Variants in PHF14 observed in about 807,000 individuals in gnomAD.
PHF14 encodes the protein PHD finger protein 14.
PHF14 carries 55 observed loss-of-function variants against 117.9 expected under a neutral mutation model. That is an observed-to-expected ratio of 0.47 (90% CI 0.38 to 0.58). The LOEUF (loss-of-function observed/expected upper bound fraction) is 0.58. Among genes scored for constraint, PHF14 ranks in the 20% least tolerant of loss-of-function variants. The pLI is 0.00. For missense variants in PHF14, 978 were observed against 1,122.2 expected (o/e 0.87, Z 1.84); for synonymous variants, 409 against 368.6 (o/e 1.11, Z -1.26).
chr7:11,014,572 C>A (rs2128316419), intron 5 of PHF14, among the ~76,000 whole-genome samples: 1 of 152,238 alleles, frequency 6.6e-6, no homozygotes, highest in East Asian at 1.9e-4. Flanking sequence ...TGTGAGGTCA[C>A]TGAGGGACTG....
chr7:11,107,571 C>T, intron 16 of PHF14: 3 of 847,420 alleles, frequency 3.5e-6, no homozygotes, highest in South Asian at 1.1e-4. Flanking sequence ...CTTCTTTAAG[C>T]ATCCAGTTTT....
intron 8 of PHF14, among the ~76,000 whole-genome samples, 172 bp from the exon 9 acceptor site, chr7:11,036,246 A>C (rs116867228): frequency 0.02 from 3,017 of 152,316 alleles, 39 homozygotes; most frequent in Middle Eastern, 0.044. Context: ...AGTTTATTGT[A>C]ACTCAAAAAT....
At position 10,982,604 on chromosome 7, in the gene PHF14, GGAGAAAGAGAAGGAAAAAGAAAAGGAAAA is replaced by G. The variant is rs755118765; in HGVS notation, c.347_375del (p.Glu116GlyfsTer17). ...ATGGAGAAAGACCTAGAAAGAAAAAGGAGAAAGAGAAGGAAAAAGAAAAGGAAAAGGAGAAAGAGAAGGAAAGAGAGAAG... is the reference window on the plus strand; with the variant it reads ...ATGGAGAAAGACCTAGAAAGAAAAAGGGAGAAAGAGAAGGAAAGAGAGAAG... On this transcript the variant is annotated frameshift_variant, in exon 3 of 18. Transcript: ENST00000634607. LOFTEE classifies it high-confidence loss of function. 4 of 1,513,446 alleles carry G rather than the reference GGAGAAAGAGAAGGAAAAAGAAAAGGAAAA, an allele frequency of 2.6e-6. No homozygotes were observed. The African/African-American group carries it at 4.2e-5, about 16-fold the overall frequency. 93.8% of individuals were successfully genotyped at this position (1,513,446 alleles called of 1,614,324 possible). A position where few individuals can be genotyped will look rare whatever the true frequency, so the allele number is the denominator to read the frequency against.
intron 17 of PHF14, among the ~76,000 whole-genome samples, chr7:11,122,783 C>G (rs555510317): frequency 1.6e-4 from 25 of 152,200 alleles, no homozygotes; most frequent in African/African-American, 5.8e-4. Flanking sequence ...ATAGTTCCAG[C>G]TTAGTCCAGT....
chr7:11,057,903 A>G (rs533505626), intron 14 of PHF14, among the ~76,000 whole-genome samples: 1 of 152,342 alleles, frequency 6.6e-6, no homozygotes, highest in Middle Eastern at 3.4e-3. Flanking sequence ...AAAAATTGGA[A>G]TGTGTCAAGA....
At chr7:11,105,151 TAG>T (rs1787216681) in intron 16 of PHF14, 1 of 975,268 alleles carries the variant, frequency 1.0e-6, no homozygotes, top group African/African-American at 1.8e-5. Flanking sequence ...GACTTGAAAT[TAG>T]GGTTATGTTT....
rs1404104650 is a variant in PHF14 at position 11,111,360 on chromosome 7, T to C, written c.2665T>C (p.Cys889Arg). 6.3e-7 allele frequency: 1 copy of C among 1,585,024 alleles called. No homozygotes were observed. ...CTGTTTACCCTGCAGGTGTGATGAA[T>C]GCAGACTCTGCTACCATTTTGGCTG... ...DNENLVRCDECRLCYHFGCLD... is the reference protein window; with the variant it reads ...DNENLVRCDERRLCYHFGCLD... The change falls in exon 17 of 18, where the codon TGC (cysteine) becomes CGC (arginine). Residue 889 changes from cysteine to arginine, a missense_variant. This residue lies in a region of PHF14 where 180 missense variants were observed against 195.4 expected (regional missense o/e 0.92). Transcript: ENST00000634607.
intron 17 of PHF14, among the ~76,000 whole-genome samples, chr7:11,157,389 C>CA (rs10693452): frequency 0.53 from 78,015 of 146,676 alleles, 21,471 homozygotes; most frequent in East Asian, 0.81. Context: ...AATGGGTTAC[C>CA]AAAAAAAAAA....
At chr7:11,008,088 A>G (rs1410790126) in intron 4 of PHF14, among the ~76,000 whole-genome samples, 2 of 152,166 alleles carry the variant, frequency 1.3e-5, no homozygotes, top group East Asian at 3.9e-4. Flanking sequence ...TGTCAGGTAT[A>G]TGTTAGTACT....
At chr7:10,993,295 T>G (rs1782525280) in intron 4 of PHF14, among the ~76,000 whole-genome samples, 1 of 152,156 alleles carries the variant, frequency 6.6e-6, no homozygotes, top group Non-Finnish European at 1.5e-5. Flanking sequence ...TCTTACCTGC[T>G]TTTCTGGTAT....
At chr7:11,037,790 A>G (rs895343337) in intron 10 of PHF14, among the ~76,000 whole-genome samples, 9 of 152,156 alleles carry the variant, frequency 5.9e-5, no homozygotes, top group South Asian at 2.1e-4. Flanking sequence ...CGTTTCCAAT[A>G]ATCAGCTACA....
chr7:11,103,079 A>C (rs1787143965), intron 16 of PHF14: 3 of 974,690 alleles, frequency 3.1e-6, no homozygotes, highest in Non-Finnish European at 3.7e-6. Context: ...TTGTAAAACA[A>C]CTATAGACTC....
intron 16 of PHF14, chr7:11,108,296 T>G (rs973058610): frequency 2.6e-5 from 4 of 151,732 alleles, no homozygotes; most frequent in Admixed American, 2.0e-4. Context: ...ATCTTATATT[T>G]GTATATTTGT....
intron 17 of PHF14, among the ~76,000 whole-genome samples, chr7:11,153,837 C>T (rs1788768520): frequency 6.6e-6 from 1 of 152,092 alleles, no homozygotes; most frequent in Non-Finnish European, 1.5e-5. Context: ...TGACTTTCAA[C>T]CTTAGACTTA....
intron 4 of PHF14, among the ~76,000 whole-genome samples, chr7:10,994,035 G>A (rs925273276): frequency 1.6e-4 from 24 of 151,500 alleles, no homozygotes; most frequent in African/African-American, 5.8e-4. Flanking sequence ...AAGTTGTTAA[G>A]GGAAATCCAC....
chr7:11,151,328 G>T (rs991270105), intron 17 of PHF14, among the ~76,000 whole-genome samples: 2 of 152,094 alleles, frequency 1.3e-5, no homozygotes, highest in African/African-American at 2.4e-5. Context: ...AGCTGAAGTG[G>T]GAGGGTCGCT....
At chr7:11,066,519 T>C (rs1172603779) in intron 16 of PHF14, among the ~76,000 whole-genome samples, 1 of 152,234 alleles carries the variant, frequency 6.6e-6, no homozygotes, top group African/African-American at 2.4e-5. Flanking sequence ...ACAAAAACTT[T>C]CTTCTTTGTT....
intron 17 of PHF14, among the ~76,000 whole-genome samples, chr7:11,114,506 A>G (rs953532065): frequency 1.3e-5 from 2 of 152,106 alleles, no homozygotes; most frequent in Admixed American, 6.6e-5. Flanking sequence ...TTTTTGTTTT[A>G]GCACATGAAA....
chr7:11,018,690 G>T (rs1783616536), intron 5 of PHF14, among the ~76,000 whole-genome samples: 1 of 152,100 alleles, frequency 6.6e-6, no homozygotes, highest in South Asian at 2.1e-4. Context: ...CTGCTAACAA[G>T]AATAATTTGA....
Sources: gnomAD v4.1 joint callset for allele counts (sites outside exome capture counted in the v4.1 genomes callset) on GRCh38, gnomAD v4.1.1 for gene constraint, gnomAD v4.1.1 regional missense constraint, MANE v1.5 for transcripts, NCBI Gene and HGNC (gene_info 2026-07-23, HGNC 2026-07-21) for gene names.